CFAP299: variants seen among roughly 807,000 people sequenced by gnomAD.
CFAP299 encodes the protein cilia- and flagella-associated protein 299.
A neutral mutation model predicts 27.0 loss-of-function variants in CFAP299; 21 were observed. The observed-to-expected ratio is 0.78, with a 90% CI of 0.55 to 1.12. The LOEUF is 1.12. CFAP299 is among the 50% of genes most tolerant of loss of function. The pLI is 0.00. For synonymous variants in CFAP299, 104 were observed against 98.1 expected (o/e 1.06, Z -0.36); for missense variants, 310 against 276.6 (o/e 1.12, Z -0.86).
intron 3 of CFAP299, among the ~76,000 whole-genome samples, chr4:80,645,834 A>G (rs939867825): frequency 3.9e-4 from 60 of 152,278 alleles, no homozygotes; most frequent in African/African-American, 1.3e-3. Flanking sequence ...TTATAAGGTC[A>G]AGGGCTTATT....
intron 3 of CFAP299, among the ~76,000 whole-genome samples, chr4:80,740,202 G>C (rs923645428): frequency 6.6e-6 from 1 of 152,104 alleles, no homozygotes; most frequent in Non-Finnish European, 1.5e-5. Context: ...TTTCTGTATG[G>C]TGTTGACACT....
chr4:80,733,084 G>A (rs1030283540), intron 3 of CFAP299, among the ~76,000 whole-genome samples: 2 of 151,984 alleles, frequency 1.3e-5, no homozygotes, highest in Non-Finnish European at 2.9e-5. Context: ...AAATTTTACT[G>A]ATAATAATTT....
intron 3 of CFAP299, among the ~76,000 whole-genome samples, chr4:80,724,223 G>A (rs1343015306): frequency 1.3e-5 from 2 of 152,006 alleles, no homozygotes; most frequent in African/African-American, 4.8e-5. Context: ...GGGAAATAAT[G>A]TTAAAAGAAA....
chr4:80,623,746 C>T (rs916714795), intron 3 of CFAP299, among the ~76,000 whole-genome samples: 8 of 152,162 alleles, frequency 5.3e-5, no homozygotes, highest in African/African-American at 1.7e-4. Flanking sequence ...GACACCAACA[C>T]AGTGTAACCC....
intron 3 of CFAP299, among the ~76,000 whole-genome samples, chr4:80,649,436 T>G (rs1740182866): frequency 6.6e-6 from 1 of 152,076 alleles, no homozygotes; most frequent in African/African-American, 2.4e-5. Context: ...TTGTTTGAAG[T>G]GAGAAGATGC....
chr4:80,669,141 CTTTCTTTCTTTTTTTTTTTTTTTTT>C (rs1741315147), intron 3 of CFAP299, among the ~76,000 whole-genome samples: 1 of 30,726 alleles, frequency 3.3e-5, no homozygotes, highest in Non-Finnish European at 6.3e-5. Context: ...GTCTTTCTTT[CTTTCTTTCTTTTTTTTTTTTTTTTT>C]TTTTTTTTTT....
At chr4:80,751,556 G>A (rs1724929220) in intron 3 of CFAP299, among the ~76,000 whole-genome samples, 1 of 152,120 alleles carries the variant, frequency 6.6e-6, no homozygotes, top group Admixed American at 6.5e-5. Flanking sequence ...ATCAAGCAAG[G>A]TCCCACTCAG....
chr4:80,740,787 C>T (rs906027507), intron 3 of CFAP299, among the ~76,000 whole-genome samples: 1 of 152,320 alleles, frequency 6.6e-6, no homozygotes, highest in African/African-American at 2.4e-5. Flanking sequence ...CAAAGGGTGG[C>T]CTTTCCTGGT....
At chr4:80,577,112 G>A (rs1578623740) in intron 2 of CFAP299, among the ~76,000 whole-genome samples, 1 of 152,116 alleles carries the variant, frequency 6.6e-6, no homozygotes, top group East Asian at 1.9e-4. Flanking sequence ...TTATGATGTA[G>A]TGTTTATGAT....
chr4:80,912,015 C>G (rs1330833657), intron 4 of CFAP299, among the ~76,000 whole-genome samples: 1 of 151,822 alleles, frequency 6.6e-6, no homozygotes, highest in Non-Finnish European at 1.5e-5. Flanking sequence ...GGCACTAAAT[C>G]ACTATTATTT....
At chr4:80,390,730 T>TATATGTATATATGTATACACAC (rs1725359267) in intron 2 of CFAP299, among the ~76,000 whole-genome samples, 19 of 142,936 alleles carry the variant, frequency 1.3e-4, no homozygotes, top group Non-Finnish European at 2.6e-4. Context: ...CATACATGTA[T>TATATGTATATATGTATACACAC]ATATGTATAT....
intron 2 of CFAP299, among the ~76,000 whole-genome samples, chr4:80,505,439 C>T (rs1273201977): frequency 2.3e-5 from 2 of 86,394 alleles, no homozygotes; most frequent in African/African-American, 1.5e-4. Flanking sequence ...AAAATTTTAT[C>T]CCCTTCTCTC....
At chr4:80,598,666 G>A (rs1737177152) in intron 3 of CFAP299, among the ~76,000 whole-genome samples, 3 of 152,124 alleles carry the variant, frequency 2.0e-5, no homozygotes, top group Non-Finnish European at 4.4e-5. Flanking sequence ...TGATAAGAAA[G>A]TGACTAATAG....
chr4:80,547,727 A>T (rs1333041277), intron 2 of CFAP299, among the ~76,000 whole-genome samples: 1 of 152,170 alleles, frequency 6.6e-6, no homozygotes, highest in Non-Finnish European at 1.5e-5. Context: ...ACATGAACAG[A>T]CATATCTCAA....
intron 3 of CFAP299, among the ~76,000 whole-genome samples, chr4:80,644,645 C>T (rs1342671400): frequency 1.3e-5 from 2 of 152,130 alleles, no homozygotes; most frequent in Non-Finnish European, 2.9e-5. Context: ...TCTAAATATT[C>T]TATGAAGTCT....
chr4:80,963,438 C>CA (rs1738444396), intron 5 of CFAP299, 79 bp from the exon 6 acceptor site: 10 of 807,480 alleles, frequency 1.2e-5, no homozygotes, highest in African/African-American at 2.9e-5. Flanking sequence ...CAATATAAAG[C>CA]AAAAAAATAA....
At chr4:80,933,152 CTTT>C (rs1736709415) in intron 4 of CFAP299, among the ~76,000 whole-genome samples, 1 of 123,208 alleles carries the variant, frequency 8.1e-6, no homozygotes, top group African/African-American at 3.9e-5. Flanking sequence ...CTTTCCTTTT[CTTT>C]CTTTCCTTTC....
chr4:80,382,689 G>T (rs1191586408), intron 2 of CFAP299, among the ~76,000 whole-genome samples: 1 of 151,888 alleles, frequency 6.6e-6, no homozygotes, highest in East Asian at 1.9e-4. Flanking sequence ...AAATAACAGG[G>T]TGTGGAGAAA....
chr4:80,851,639 C>T lies in CFAP299; in HGVS notation c.334-18354C>T, dbSNP rs146421312. On this transcript the variant is annotated intron_variant, in intron 3 of 5. Coordinates refer to ENST00000358105, the MANE Select transcript of CFAP299 (RefSeq NM_152770.3). ...GAAGAAAAATGACTTGAGAAAGACCCAATCAAAGCATCAAAACAATTGGAA... is the reference window on the plus strand; with the variant it reads ...GAAGAAAAATGACTTGAGAAAGACCTAATCAAAGCATCAAAACAATTGGAA... Among the ~76,000 whole-genome samples the T allele has an allele frequency of 7.2e-5, 11 of 152,154 alleles. No individual in the cohort carries two copies. In the East Asian group the frequency reaches 1.5e-3, roughly 21 times the overall value.
Sources: gnomAD v4.1 joint callset for allele counts (sites outside exome capture counted in the v4.1 genomes callset) on GRCh38, gnomAD v4.1.1 for gene constraint, MANE v1.5 for transcripts, NCBI Gene and HGNC (gene_info 2026-07-23, HGNC 2026-07-21) for gene names.